KIAA1549L: variants seen among roughly 807,000 people sequenced by gnomAD.
KIAA1549L encodes UPF0606 protein KIAA1549L.
KIAA1549L carries 88 observed loss-of-function variants against 160.7 expected under a neutral mutation model. The observed-to-expected ratio is 0.55, with a 90% CI of 0.46 to 0.65. The LOEUF (loss-of-function observed/expected upper bound fraction) is 0.65, where lower values mean the gene tolerates loss of function less well. Ranked by LOEUF, KIAA1549L falls within the 30% of genes least tolerant of loss-of-function variation. KIAA1549L has a pLI of 0.00. For missense variants in KIAA1549L, 2,258 were observed against 2,437.5 expected (o/e 0.93, Z 1.55); for synonymous variants, 950 against 976.7 (o/e 0.97, Z 0.51).
intron 1 of KIAA1549L, among the ~76,000 whole-genome samples, chr11:33,439,783 A>G (rs971599756): frequency 1.3e-5 from 2 of 151,998 alleles, no homozygotes; most frequent in African/African-American, 4.8e-5. Flanking sequence ...TTTGACCTCA[A>G]AACTTATCTG....
intron 15 of KIAA1549L, among the ~76,000 whole-genome samples, chr11:33,615,041 C>G (rs1850773661): frequency 6.6e-6 from 1 of 152,140 alleles, no homozygotes; most frequent in Non-Finnish European, 1.5e-5. Context: ...TTACCCAAAA[C>G]ACAAATCTAC....
At chr11:33,604,579 G>A (rs1006440651) in intron 13 of KIAA1549L, among the ~76,000 whole-genome samples, 1 of 152,120 alleles carries the variant, frequency 6.6e-6, no homozygotes, top group Admixed American at 6.5e-5. Flanking sequence ...GACCAATAAA[G>A]AAAATGTAGT....
chr11:33,430,135 G>A (rs965959785), intron 1 of KIAA1549L, among the ~76,000 whole-genome samples: 6 of 129,566 alleles, frequency 4.6e-5, no homozygotes, highest in Admixed American at 8.4e-5. Context: ...TTATGATAAT[G>A]TTCATTATGA....
chr11:33,598,956 C>T lies in KIAA1549L; in HGVS notation c.4879+9C>T, dbSNP rs991899077. On this transcript the variant is annotated intron_variant, in intron 13 of 20. Coordinates refer to ENST00000658780, the MANE Select transcript of KIAA1549L (RefSeq NM_012194.3). ...GGCAAGGAAGAGAAATGGTGAGAAG[C>T]CTTCCCTCCAAGAACCACCCCCAGC... The T allele has an allele frequency of 6.2e-7, 1 of 1,612,466 alleles. No homozygotes were observed. Among genetic ancestry groups the T allele is most frequent in the Non-Finnish European group, 8.5e-7 (1 of 1,179,430 alleles).
chr11:33,658,945 G>T, intron 19 of KIAA1549L, 47 bp downstream of exon 19: 1 of 1,494,094 alleles, frequency 6.7e-7, no homozygotes, highest in South Asian at 1.3e-5. Context: ...CTGCTGCTGT[G>T]CCCTGTCCTC....
chr11:33,650,325 GAA>G (rs1286378520), intron 17 of KIAA1549L, among the ~76,000 whole-genome samples: 2 of 152,224 alleles, frequency 1.3e-5, no homozygotes, highest in Admixed American at 1.3e-4. Context: ...GGCTGTGTGA[GAA>G]GGGAGAGAGG....
intron 1 of KIAA1549L, among the ~76,000 whole-genome samples, chr11:33,472,855 C>T (rs1241891195): frequency 6.6e-6 from 1 of 152,168 alleles, no homozygotes; most frequent in Non-Finnish European, 1.5e-5. Flanking sequence ...GCTGCAGCTT[C>T]CCTCATTTCC....
intron 1 of KIAA1549L, among the ~76,000 whole-genome samples, chr11:33,392,990 C>A (rs1850300197): frequency 6.6e-6 from 1 of 152,208 alleles, no homozygotes; most frequent in African/African-American, 2.4e-5. Context: ...TGTCCCCTGT[C>A]TCTAGTCTTG....
intron 1 of KIAA1549L, among the ~76,000 whole-genome samples, chr11:33,436,023 C>T (rs1299537300): frequency 7.0e-6 from 1 of 143,708 alleles, no homozygotes; most frequent in Non-Finnish European, 1.5e-5. Context: ...GGTAGAACAA[C>T]TATTTACATA....
intron 16 of KIAA1549L, among the ~76,000 whole-genome samples, chr11:33,625,053 C>G (rs551980500): frequency 6.6e-6 from 1 of 151,880 alleles, no homozygotes; most frequent in African/African-American, 2.4e-5. Flanking sequence ...ATGATGATTT[C>G]CAATTTCATC....
chr11:33,628,104 A>G (rs1257044053), intron 16 of KIAA1549L, among the ~76,000 whole-genome samples: 10 of 151,764 alleles, frequency 6.6e-5, no homozygotes, highest in African/African-American at 2.2e-4. Context: ...TTTGAGTGAG[A>G]TTCTTAATCC....
rs1446793773 is a variant in KIAA1549L at position 33,591,304 on chromosome 11, C to T, written c.4634C>T (p.Pro1545Leu). 6.2e-7 allele frequency: 1 copy of T among 1,613,642 alleles called. No homozygotes were observed. The highest frequency in any genetic ancestry group is 1.7e-5 in the Admixed American group (1 of 60,000). Residue 1545 changes from proline (P) to leucine (L), a missense_variant, in exon 12 of 21, where the codon CCT becomes CTT. Pro to Leu is a moderately conservative substitution (Grantham distance 98, BLOSUM62 -3). Around this residue, in one of 6 missense-constraint regions of KIAA1549L, gnomAD observed 1,359 missense variants for 1,546.6 expected, o/e 0.88. Coordinates refer to ENST00000658780, the MANE Select transcript of KIAA1549L (RefSeq NM_012194.3). ...GQQGADEEVI[P>L]VTQETVVLPL... ...CAAGGGGCAGATGAGGAGGTCATCCCTGTGACTCAGGAGACAGTGGTTCTC... is the reference window on the plus strand; with the variant it reads ...CAAGGGGCAGATGAGGAGGTCATCCTTGTGACTCAGGAGACAGTGGTTCTC...
chr11:33,574,384 T>C (rs1418284764), intron 9 of KIAA1549L, among the ~76,000 whole-genome samples: 3 of 152,218 alleles, frequency 2.0e-5, no homozygotes, highest in Non-Finnish European at 4.4e-5. Context: ...ATGCCCTGAA[T>C]TAAATGCAGA....
chr11:33,427,734 C>CT (rs934883402), intron 1 of KIAA1549L, among the ~76,000 whole-genome samples: 1 of 152,112 alleles, frequency 6.6e-6, no homozygotes, highest in African/African-American at 2.4e-5. Context: ...CTTCTGAAAC[C>CT]TTTTCATTAT....
chr11:33,508,607 C>A (rs1853148934), intron 1 of KIAA1549L, among the ~76,000 whole-genome samples: 1 of 152,202 alleles, frequency 6.6e-6, no homozygotes, highest in South Asian at 2.1e-4. Flanking sequence ...TACTTTTCCC[C>A]ATGACCCAAA....
rs1457311201 is a variant in KIAA1549L at position 33,519,672 on chromosome 11, C to A, written c.239-22130C>A. Reference sequence around the variant, plus strand: ...GTAAAATCACAAGCTATATAAAATTCTGACCTCAGAACAACTGTTCTTTCT... The same window carrying A: ...GTAAAATCACAAGCTATATAAAATTATGACCTCAGAACAACTGTTCTTTCT... On this transcript the variant is annotated intron_variant, in intron 1 of 20. Coordinates refer to ENST00000658780, the MANE Select transcript of KIAA1549L (RefSeq NM_012194.3). 2.6e-5 allele frequency among the ~76,000 whole-genome samples: 4 copies of A among 152,176 alleles called. No homozygotes were observed. The East Asian group carries it at 7.7e-4, about 29-fold the overall frequency.
At chr11:33,610,963 T>G (rs1252638911) in intron 15 of KIAA1549L, among the ~76,000 whole-genome samples, 1 of 152,136 alleles carries the variant, frequency 6.6e-6, no homozygotes, top group African/African-American at 2.4e-5. Flanking sequence ...GGAGGAGCCC[T>G]CATGGCCCTG....
Position 33,552,096 on chromosome 11 carries a change from C to G in KIAA1549L, c.3722-12C>G. ...AGCTTTAGTGAGCACTGATTGACTTCTCTCATTCTAGTGCTGCAGTTTGTG... is the reference window on the plus strand; with the variant it reads ...AGCTTTAGTGAGCACTGATTGACTTGTCTCATTCTAGTGCTGCAGTTTGTG... On this transcript the variant is annotated splice_polypyrimidine_tract_variant and intron_variant, in intron 5 of 20. Coordinates refer to ENST00000658780, the MANE Select transcript of KIAA1549L (RefSeq NM_012194.3). 6.2e-7 allele frequency: 1 copy of G among 1,613,468 alleles called. No homozygotes were observed. The highest frequency in any genetic ancestry group is 1.1e-5 in the South Asian group (1 of 90,906).
At chr11:33,616,553 C>G (rs1850814507) in intron 15 of KIAA1549L, among the ~76,000 whole-genome samples, 1 of 152,146 alleles carries the variant, frequency 6.6e-6, no homozygotes, top group African/African-American at 2.4e-5. Flanking sequence ...CAAGCAAAGG[C>G]AACAGATGCT....
Sources: gnomAD v4.1 joint callset for allele counts (sites outside exome capture counted in the v4.1 genomes callset) on GRCh38, gnomAD v4.1.1 for gene constraint, gnomAD v4.1.1 regional missense constraint, MANE v1.5 for transcripts, NCBI Gene and HGNC (gene_info 2026-07-23, HGNC 2026-07-21) for gene names.